Variants in CEP152 observed in about 807,000 individuals in gnomAD.
CEP152 encodes centrosomal protein of 152 kDa.
A neutral mutation model predicts 188.9 loss-of-function variants in CEP152; 132 were observed. That is an observed-to-expected ratio of 0.70 (90% confidence interval 0.61 to 0.81). CEP152 has a LOEUF of 0.81. CEP152 is among the 30% of genes least tolerant of loss of function. The pLI is 0.00. For missense variants in CEP152, 1,914 were observed against 1,969.8 expected (o/e 0.97, Z 0.54); for synonymous variants, 649 against 666.6 (o/e 0.97, Z 0.41).
intron 1 of CEP152, among the ~76,000 whole-genome samples, chr15:48,805,910 T>C (rs1897959506): frequency 6.6e-6 from 1 of 151,916 alleles, no homozygotes; most frequent in Non-Finnish European, 1.5e-5. Flanking sequence ...GTCTGAAGAG[T>C]ATAAAACAGT....
chr15:48,748,060 T>C (rs546674960), intron 22 of CEP152, among the ~76,000 whole-genome samples: 4 of 152,190 alleles, frequency 2.6e-5, no homozygotes, highest in Non-Finnish European at 4.4e-5. Flanking sequence ...AACGTTTAAT[T>C]ATTTGTTAAT....
intron 22 of CEP152, among the ~76,000 whole-genome samples, chr15:48,747,213 G>T (rs963005058): frequency 4.6e-5 from 7 of 152,148 alleles, no homozygotes; most frequent in African/African-American, 1.7e-4. Context: ...AAGAGTCAGG[G>T]AATTATTGCC....
At chr15:48,771,447 T>TA (rs1235380702) in intron 13 of CEP152, among the ~76,000 whole-genome samples, 6 of 152,198 alleles carry the variant, frequency 3.9e-5, no homozygotes, top group Non-Finnish European at 7.4e-5. Flanking sequence ...ACTTTTGTTG[T>TA]AAGAACATGG....
At chr15:48,759,917 A>G (rs1435507904) in intron 19 of CEP152, among the ~76,000 whole-genome samples, 5 of 152,218 alleles carry the variant, frequency 3.3e-5, no homozygotes, top group Admixed American at 6.5e-5. Context: ...GAGTTATTAA[A>G]TAGTTTCTAA....
intron 12 of CEP152, among the ~76,000 whole-genome samples, chr15:48,775,325 A>C (rs1200530983): frequency 6.6e-6 from 1 of 152,056 alleles, no homozygotes; most frequent in Non-Finnish European, 1.5e-5. Context: ...AATGAGATAA[A>C]CTAAAGAAAA....
intron 20 of CEP152, among the ~76,000 whole-genome samples, chr15:48,754,843 G>A (rs758560212): frequency 6.6e-6 from 1 of 152,080 alleles, no homozygotes; most frequent in Non-Finnish European, 1.5e-5. Flanking sequence ...TAATAATCTA[G>A]TTATCATCGA....
intron 13 of CEP152, among the ~76,000 whole-genome samples, chr15:48,769,862 G>A (rs1237011307): frequency 6.6e-6 from 1 of 152,186 alleles, no homozygotes; most frequent in Non-Finnish European, 1.5e-5. Context: ...TCATCCAAAT[G>A]TATACTGTCA....
chr15:48,751,452 G>T (rs551790898), intron 21 of CEP152, among the ~76,000 whole-genome samples: 11 of 152,316 alleles, frequency 7.2e-5, no homozygotes, highest in African/African-American at 2.6e-4. Flanking sequence ...AGAAGTAGGG[G>T]AAAAGGGTTT....
At chr15:48,744,794 T>C (rs573947407) in intron 23 of CEP152, 102 bp downstream of exon 23, 1 of 1,079,972 alleles carries the variant, frequency 9.3e-7, no homozygotes, top group Non-Finnish European at 1.3e-6. Context: ...TTCTTTTTTA[T>C]ACTTTTTGCT....
intron 2 of CEP152, among the ~76,000 whole-genome samples, chr15:48,800,433 G>A (rs1440274703): frequency 6.6e-6 from 1 of 151,992 alleles, no homozygotes; most frequent in Admixed American, 6.6e-5. Context: ...CATTTCCCAG[G>A]ATCAAAGTGT....
Position 48,738,659 on chromosome 15 carries a change from G to C in CEP152, c.4723C>G (p.Pro1575Ala), listed in dbSNP as rs752151302. 4 of 1,614,080 alleles carry C rather than the reference G, an allele frequency of 2.5e-6. No homozygotes were observed. The African/African-American group carries it at 4.0e-5, about 16-fold the overall frequency. Residue 1575 changes from proline to alanine, a missense_variant, in exon 27 of 27, where the codon CCT (proline) becomes GCT (alanine). Pro to Ala is a conservative substitution (Grantham distance 27). Transcript: ENST00000380950. ...GGDLSDCLGW[P>A]SSSATLSFDS... ...AAGGATAAGGTTGCACTGCTGGAAG[G>C]CCAGCCCAAGCAGTCACTAAGGTCC...
intron 9 of CEP152, among the ~76,000 whole-genome samples, chr15:48,786,715 A>G (rs1317361761): frequency 1.3e-5 from 2 of 152,206 alleles, no homozygotes; most frequent in Admixed American, 6.5e-5. Flanking sequence ...AAAAATAGGC[A>G]AAGAACGTAA....
chr15:48,769,016 A>G lies in CEP152; in HGVS notation c.1848T>C (p.Val616=), dbSNP rs1895332656. 6.3e-7 allele frequency: 1 copy of G among 1,594,882 alleles called. No homozygotes were observed. Among genetic ancestry groups the G allele is most frequent in the African/African-American group, 1.3e-5 (1 of 74,638 alleles). The change falls in exon 14 of 27, where the codon GTT becomes GTC. Residue 616 remains valine, a synonymous_variant. Coordinates refer to ENST00000380950, the MANE Select transcript of CEP152 (RefSeq NM_001194998.2). ...TAAGCAGCAGAATATCATCTCTGACAACATCAGAAGTAGAAGACTCAGGCC... is the reference window on the plus strand; with the variant it reads ...TAAGCAGCAGAATATCATCTCTGACGACATCAGAAGTAGAAGACTCAGGCC... ...QLWPESSTSD[V]VRDDILLLKN...
chr15:48,748,994 T>C (rs1182448971), intron 21 of CEP152, among the ~76,000 whole-genome samples: 1 of 152,072 alleles, frequency 6.6e-6, no homozygotes, highest in Non-Finnish European at 1.5e-5. Context: ...TGAAATATCT[T>C]CCTATGCCAG....
At position 48,767,468 on chromosome 15, in the gene CEP152, A is replaced by C. The variant is rs1353144199; in HGVS notation, c.2019-5T>G. On this transcript the variant is annotated splice_region_variant and splice_polypyrimidine_tract_variant and intron_variant, in intron 15 of 26. Transcript: ENST00000380950. ...TGCTGATAAGTCCTTTCACACCTGG[A>C]AACAGAGCGGAATCAAAGGCAATGC... The C allele has an allele frequency of 1.1e-5, 17 of 1,614,086 alleles. No individual in the cohort carries two copies. The South Asian group carries it at 1.8e-4, about 17-fold the overall frequency.
chr15:48,781,368 C>A lies in CEP152; in HGVS notation c.1414-9G>T. On this transcript the variant is annotated splice_polypyrimidine_tract_variant and intron_variant, in intron 11 of 26. Coordinates refer to ENST00000380950, the MANE Select transcript of CEP152 (RefSeq NM_001194998.2). Reference sequence around the variant, plus strand: ...AGTTCTGTTAATTCTTCCTACAACACAAAATTATTAAAAATAATTTTCACT... The same window carrying A: ...AGTTCTGTTAATTCTTCCTACAACAAAAAATTATTAAAAATAATTTTCACT... 2 of 1,579,292 alleles carry A rather than the reference C, an allele frequency of 1.3e-6. No individual in the cohort carries two copies. Among genetic ancestry groups the A allele is most frequent in the East Asian group, 2.2e-5 (1 of 44,548 alleles).
At chr15:48,784,160 AG>A in intron 9 of CEP152, 40 bp from the exon 10 acceptor site, 1 of 1,582,264 alleles carries the variant, frequency 6.3e-7, no homozygotes, top group Non-Finnish European at 8.6e-7. Context: ...TTTCATAAAG[AG>A]TTTTAATAAA....
At position 48,805,651 on chromosome 15, in the gene CEP152, G is replaced by A. The variant is rs1836556734; in HGVS notation, c.-2C>T. 6.2e-7 allele frequency: 1 copy of A among 1,612,238 alleles called. No homozygotes were observed. The highest frequency in any genetic ancestry group is 1.7e-5 in the Admixed American group (1 of 59,852). Reference sequence around the variant, plus strand: ...CACACTGCCAAAGTCTAATGACATGGTCCTCCTGTGGGAAGGGAAAGATGT... The same window carrying A: ...CACACTGCCAAAGTCTAATGACATGATCCTCCTGTGGGAAGGGAAAGATGT... On this transcript the variant is annotated 5_prime_UTR_variant, in exon 2 of 27. Coordinates refer to ENST00000380950, the MANE Select transcript of CEP152 (RefSeq NM_001194998.2).
chr15:48,734,039 C>T (rs1892512085), downstream of CEP152, among the ~76,000 whole-genome samples: 1 of 151,954 alleles, frequency 6.6e-6, no homozygotes, highest in Admixed American at 6.6e-5. Flanking sequence ...TGACAACAGA[C>T]CTGGCAACTA....
Sources: allele counts gnomAD v4.1 joint callset (sites outside exome capture counted in the v4.1 genomes callset), GRCh38; gene constraint gnomAD v4.1.1; transcripts MANE v1.5; gene names NCBI Gene and HGNC (gene_info 2026-07-23, HGNC 2026-07-21).